Variants in CS observed in about 807,000 individuals in gnomAD.
CS encodes citrate synthase.
CS carries 13 observed loss-of-function variants against 61.4 expected under a neutral mutation model. That is an observed-to-expected ratio of 0.21 (90% CI 0.14 to 0.34). The LOEUF is 0.34. Ranked by LOEUF, CS falls within the 10% of genes least tolerant of loss-of-function variation. The pLI, the probability that CS is intolerant of heterozygous loss-of-function variation, is 1.00. For synonymous variants in CS, 159 were observed against 215.2 expected (o/e 0.74, Z 2.29); for missense variants, 278 against 573.4 (o/e 0.48, Z 5.26).
intron 3 of CS, among the ~76,000 whole-genome samples, chr12:56,284,265 G>A (rs1199546169): frequency 6.7e-5 from 9 of 133,918 alleles, no homozygotes; most frequent in Admixed American, 2.7e-4. Context: ...ATTGCAGTGA[G>A]CCAAGATCAC....
chr12:56,295,951 C>CA (rs71081343), intron 1 of CS, among the ~76,000 whole-genome samples: 779 of 40,520 alleles, frequency 0.019, 105 homozygotes, highest in African/African-American at 0.057. Flanking sequence ...GAAACTGTCT[C>CA]AAAAAAAAAA....
In CS at chr12:56,278,279, C is replaced by T. The variant is rs1303160507; in HGVS notation, c.589-2084G>A. ...CTGAGTAGCTGGGATTACAGGCGTGCGCCACCATGCCTAATTTTTTGTATC... is the reference window on the plus strand; with the variant it reads ...CTGAGTAGCTGGGATTACAGGCGTGTGCCACCATGCCTAATTTTTTGTATC... On this transcript the variant is annotated intron_variant, in intron 6 of 10. Coordinates refer to ENST00000351328, the MANE Select transcript of CS (RefSeq NM_004077.3). 3.3e-5 allele frequency among the ~76,000 whole-genome samples: 5 copies of T among 152,082 alleles called. No homozygotes were observed. In the South Asian group the frequency reaches 6.2e-4, roughly 19 times the overall value.
intron 3 of CS, chr12:56,285,230 G>C: frequency 2.2e-6 from 1 of 446,208 alleles, no homozygotes; most frequent in South Asian, 1.6e-5. Context: ...ACAGGCATGA[G>C]CCACTGCAAC....
Position 56,300,252 on chromosome 12 carries a change from C to T in CS, c.-51G>A. Reference sequence around the variant, plus strand: ...GGGAGGTAAGAAAGGGAGAGAGCTGCGGCAGGAACAGGAGCCGCCGCCGCT... The same window carrying T: ...GGGAGGTAAGAAAGGGAGAGAGCTGTGGCAGGAACAGGAGCCGCCGCCGCT... On this transcript the variant is annotated 5_prime_UTR_variant, in exon 1 of 11. Transcript: ENST00000351328. The T allele has an allele frequency of 8.5e-6, 13 of 1,532,034 alleles. No individual in the cohort carries two copies. The highest frequency in any genetic ancestry group is 2.0e-5 in the Admixed American group (1 of 49,144). The allele number at this position is 1,532,034 out of a possible 1,614,324, so 94.9% of individuals were successfully genotyped here.
At position 56,295,878 on chromosome 12, in the gene CS, C is replaced by A. The variant is rs1473956582; in HGVS notation, c.42+4282G>T. On this transcript the variant is annotated intron_variant, in intron 1 of 10. Transcript: ENST00000351328. Reference sequence around the variant, plus strand: ...CTGAGGCAGGAGAATGGCGTGAACCCCAGAGGCGGATCTTGCAGTGAGCCG... The same window carrying A: ...CTGAGGCAGGAGAATGGCGTGAACCACAGAGGCGGATCTTGCAGTGAGCCG... Among the ~76,000 whole-genome samples the A allele has an allele frequency of 2.0e-5, 3 of 148,740 alleles. No individual in the cohort carries two copies. In the Admixed American group the frequency reaches 2.1e-4, roughly 10 times the overall value.
chr12:56,282,382 C>A, intron 6 of CS, 38 bp downstream of exon 6: 1 of 1,488,710 alleles, frequency 6.7e-7, no homozygotes, highest in South Asian at 1.3e-5. Flanking sequence ...TCCTTTGAAT[C>A]CCCATCACAC....
At chr12:56,298,471 C>A (rs955108485) in intron 1 of CS, 1 of 229,244 alleles carries the variant, frequency 4.4e-6, no homozygotes, top group South Asian at 1.6e-4. Flanking sequence ...TAGGTAAATC[C>A]CAAGGCTTTT....
chr12:56,282,577 C>T lies in CS; in HGVS notation c.431G>A (p.Arg144Lys). 6.2e-7 allele frequency: 1 copy of T among 1,608,918 alleles called. No individual in the cohort carries two copies. The highest frequency in any genetic ancestry group is 8.5e-7 in the Non-Finnish European group (1 of 1,177,726). ...VSWLSKEWAKRAALPSHVVTM... is the reference protein window; with the variant it reads ...VSWLSKEWAKKAALPSHVVTM... ...GACCACATGGGAAGGCAGAGCTGCCCTCTTTGCCCACTCTTTTGAGAGCCA... is the reference window on the plus strand; with the variant it reads ...GACCACATGGGAAGGCAGAGCTGCCTTCTTTGCCCACTCTTTTGAGAGCCA... Residue 144 changes from arginine to lysine, a missense_variant, in exon 6 of 11, where the codon AGG (arginine) becomes AAG (lysine). Physicochemically the swap from Arg to Lys is conservative, Grantham distance 26 (BLOSUM62 2). Coordinates refer to ENST00000351328, the MANE Select transcript of CS (RefSeq NM_004077.3).
At chr12:56,292,563 C>T (rs1215303821) in intron 1 of CS, among the ~76,000 whole-genome samples, 1 of 151,086 alleles carries the variant, frequency 6.6e-6, no homozygotes, top group Non-Finnish European at 1.5e-5. Flanking sequence ...AAACTGCTGG[C>T]GTGTACCCTT....
intron 9 of CS, 34 bp downstream of exon 9, chr12:56,274,743 G>T (rs1340034084): frequency 1.4e-6 from 2 of 1,460,074 alleles, no homozygotes; most frequent in South Asian, 1.4e-5. Flanking sequence ...TTGTGTCTTG[G>T]TTTCTTTCCT....
intron 1 of CS, among the ~76,000 whole-genome samples, chr12:56,290,741 G>C (rs1041921600): frequency 4.6e-5 from 7 of 152,112 alleles, no homozygotes; most frequent in Admixed American, 3.3e-4. Context: ...TCTAGTCCTA[G>C]CTCCATTACT....
In CS at chr12:56,273,237, C is replaced by T. The variant is rs761331198; in HGVS notation, c.1248G>A (p.Glu416=). Reference sequence around the variant, plus strand: ...CAAACAGGACCGTGTAGTAATTCATCTCCGTCATGCCATAATACTGTAAGG... The same window carrying T: ...CAAACAGGACCGTGTAGTAATTCATTTCCGTCATGCCATAATACTGTAAGG... ...GVLLQYYGMT[E]MNYYTVLFGV... Residue 416 remains glutamate, a synonymous_variant, in exon 11 of 11, where the codon GAG becomes GAA. Transcript: ENST00000351328. The T allele has an allele frequency of 9.9e-6, 16 of 1,613,974 alleles. No homozygotes were observed. The highest frequency in any genetic ancestry group is 2.2e-5 in the South Asian group (2 of 91,070).
Position 56,274,757 on chromosome 12 carries a change from C to G in CS, c.1020+20G>C. 6.6e-7 allele frequency: 1 copy of G among 1,506,244 alleles called. No homozygotes were observed. Among genetic ancestry groups the G allele is most frequent in the East Asian group, 2.3e-5 (1 of 42,914 alleles). 93.3% of individuals were successfully genotyped at this position (1,506,244 alleles called of 1,614,324 possible). On this transcript the variant is annotated intron_variant, in intron 9 of 10. Transcript: ENST00000351328. ...CTTGTGTCTTGGTTTCTTTCCTAGT[C>G]GTTAAGCATCTCTGCTTACCCGTCC...
rs1339367158 is a variant in CS at position 56,284,914 on chromosome 12, A to C, written c.201+1002T>G. ...CTCCGTCCCAAAAAAAAAAAAAAAAACAGGGTTTTGCCAGCCATGTTGCCA... is the reference window on the plus strand; with the variant it reads ...CTCCGTCCCAAAAAAAAAAAAAAAACCAGGGTTTTGCCAGCCATGTTGCCA... On this transcript the variant is annotated intron_variant, in intron 3 of 10. Transcript: ENST00000351328. Among the ~76,000 whole-genome samples the C allele has an allele frequency of 2.2e-4, 30 of 134,728 alleles. No homozygotes were observed. The East Asian group carries it at 4.0e-3, about 18-fold the overall frequency. 88.4% of individuals were successfully genotyped at this position (134,728 alleles called of 152,430 possible).
At chr12:56,281,267 T>G (rs543510668) in intron 6 of CS, among the ~76,000 whole-genome samples, 1 of 152,384 alleles carries the variant, frequency 6.6e-6, no homozygotes, top group East Asian at 1.9e-4. Context: ...CCAGTGTTTC[T>G]GAGTTTGTGG....
chr12:56,287,158 T>C (rs1046307322), intron 1 of CS, among the ~76,000 whole-genome samples: 1 of 152,076 alleles, frequency 6.6e-6, no homozygotes, highest in African/African-American at 2.4e-5. Flanking sequence ...AAATGGAAAC[T>C]TGCAAAGTTT....
Position 56,271,963 on chromosome 12 carries a change from C to A in CS, c.*1121G>T. On this transcript the variant is annotated 3_prime_UTR_variant, in exon 11 of 11. Coordinates refer to ENST00000351328, the MANE Select transcript of CS (RefSeq NM_004077.3). ...CAAATGGGGCTTCTGAAACATTGTA[C>A]TGTGAGCTCTCAGGGAAAGGGAGGA... 6.7e-6 allele frequency: 3 copies of A among 448,246 alleles called. No individual in the cohort carries two copies. The highest frequency in any genetic ancestry group is 1.6e-5 in the South Asian group (1 of 62,856). 27.8% of individuals were successfully genotyped at this position (448,246 alleles called of 1,614,324 possible).
At chr12:56,288,346 A>ATTT (rs1164867172) in intron 1 of CS, among the ~76,000 whole-genome samples, 49 of 123,116 alleles carry the variant, frequency 4.0e-4, no homozygotes, top group Middle Eastern at 4.9e-3. Context: ...GCTTTTTAGA[A>ATTT]TTTTTTTTTT....
intron 9 of CS, 199 bp downstream of exon 9, chr12:56,274,578 C>T (rs1367773901): frequency 2.0e-6 from 1 of 497,984 alleles, no homozygotes; most frequent in Non-Finnish European, 3.5e-6. Flanking sequence ...ATCCTCTTGC[C>T]TCAGCCTCCC....
Sources: allele counts gnomAD v4.1 joint callset (sites outside exome capture counted in the v4.1 genomes callset), GRCh38; gene constraint gnomAD v4.1.1; transcripts MANE v1.5; gene names NCBI Gene and HGNC (gene_info 2026-07-23, HGNC 2026-07-21).